Variants in HTR1E observed in about 807,000 individuals in gnomAD.
The protein encoded by HTR1E is 5-hydroxytryptamine receptor 1E.
Under a neutral mutation model 3.4 loss-of-function variants are expected in HTR1E, and 3 were observed. The ratio of observed to expected loss-of-function variants is 0.89; its 90% confidence interval spans 0.41 to 2.31. The LOEUF is 2.31. HTR1E is among the 30% of genes most tolerant of loss of function. The pLI, the probability that HTR1E is intolerant of heterozygous loss-of-function variation, is 0.05. For synonymous variants in HTR1E, 170 were observed against 182.8 expected, an observed-to-expected ratio of 0.93 and a Z score of 0.56; for missense variants, 392 against 467.0, an observed-to-expected ratio of 0.84 and a Z score of 1.48.
chr6:87,010,501 T>C (rs1454538648), intron 1 of HTR1E, among the ~76,000 whole-genome samples: 14 of 136,742 alleles, frequency 1.0e-4, no homozygotes, highest in African/African-American at 4.3e-4. Flanking sequence ...GCTCCTCACA[T>C]CCCAGATGGG....
At chr6:86,966,910 A>C (rs1767479135) in intron 1 of HTR1E, among the ~76,000 whole-genome samples, 1 of 152,210 alleles carries the variant, frequency 6.6e-6, no homozygotes, top group African/African-American at 2.4e-5. Flanking sequence ...ATTTTATTCA[A>C]GTTTATTGAA....
At chr6:86,995,169 G>T (rs923674160) in intron 1 of HTR1E, among the ~76,000 whole-genome samples, 1 of 151,860 alleles carries the variant, frequency 6.6e-6, no homozygotes, top group South Asian at 2.1e-4. Context: ...TCTACATACC[G>T]ACCCGGAGCC....
chr6:87,015,645 C>T lies in HTR1E; in HGVS notation c.311C>T (p.Thr104Ile). Residue 104 changes from threonine (T) to isoleucine (I), a missense_variant, in exon 2 of 2, where the codon ACC (threonine) becomes ATC (isoleucine). Coordinates refer to ENST00000305344, the MANE Select transcript of HTR1E (RefSeq NM_000865.3). ...GAGGTGTGGCTGAGTGTGGACATGA[C>T]CTGCTGCACCTGCTCCATCCTCCAC... is the stretch of plus-strand genomic sequence containing the variant. Reference protein sequence around the residue: ...LCEVWLSVDMTCCTCSILHLC... With the variant: ...LCEVWLSVDMICCTCSILHLC... The T allele has an allele frequency of 1.9e-6, 3 of 1,614,134 alleles. No individual in the cohort carries two copies. The highest frequency in any genetic ancestry group is 1.7e-6 in the Non-Finnish European group (2 of 1,180,016).
chr6:86,977,445 A>G (rs572085358), intron 1 of HTR1E, among the ~76,000 whole-genome samples: 1 of 152,318 alleles, frequency 6.6e-6, no homozygotes, highest in African/African-American at 2.4e-5. Flanking sequence ...ATGGGCACCT[A>G]AGGATGATTC....
chr6:86,986,067 C>T (rs1767781056), intron 1 of HTR1E, among the ~76,000 whole-genome samples: 1 of 152,174 alleles, frequency 6.6e-6, no homozygotes, highest in Non-Finnish European at 1.5e-5. Context: ...ATATTTTTCT[C>T]CACAGACTCT....
chr6:87,000,241 T>G (rs1768000703), intron 1 of HTR1E: 1 of 152,534 alleles, frequency 6.6e-6, no homozygotes, highest in Non-Finnish European at 1.5e-5. Context: ...AACTTGAGTT[T>G]GCCAGTTATG....
intron 1 of HTR1E, among the ~76,000 whole-genome samples, chr6:86,951,983 G>A (rs886458258): frequency 6.6e-6 from 1 of 152,118 alleles, no homozygotes; most frequent in African/African-American, 2.4e-5. Flanking sequence ...CCTCACTGAT[G>A]TGAACTTTCC....
intron 1 of HTR1E, among the ~76,000 whole-genome samples, chr6:86,958,418 C>T (rs1488956467): frequency 6.6e-6 from 1 of 152,112 alleles, no homozygotes; most frequent in Non-Finnish European, 1.5e-5. Flanking sequence ...CTAAAGTGCC[C>T]TCTCATCTTC....
At chr6:86,944,609 A>G (rs1485079406) in intron 1 of HTR1E, among the ~76,000 whole-genome samples, 1 of 152,226 alleles carries the variant, frequency 6.6e-6, no homozygotes, top group Non-Finnish European at 1.5e-5. Flanking sequence ...TGTGTGTGTG[A>G]CCTTGGAAAA....
intron 1 of HTR1E, among the ~76,000 whole-genome samples, chr6:87,001,763 T>C (rs1768027016): frequency 6.6e-6 from 1 of 152,190 alleles, no homozygotes; most frequent in African/African-American, 2.4e-5. Flanking sequence ...GGTCATTTCC[T>C]GAGGAAGGAA....
chr6:86,952,337 G>T (rs1767256648), intron 1 of HTR1E, among the ~76,000 whole-genome samples: 1 of 152,146 alleles, frequency 6.6e-6, no homozygotes, highest in South Asian at 2.1e-4. Flanking sequence ...GCTATAGTTA[G>T]CTGTCTATCC....
chr6:86,951,159 A>G (rs1767234904), intron 1 of HTR1E, among the ~76,000 whole-genome samples: 1 of 152,206 alleles, frequency 6.6e-6, no homozygotes, highest in Non-Finnish European at 1.5e-5. Context: ...CACAAACAAG[A>G]GTAACCAGTT....
intron 1 of HTR1E, among the ~76,000 whole-genome samples, chr6:86,961,568 C>T (rs764811936): frequency 1.1e-4 from 16 of 152,166 alleles, no homozygotes; most frequent in Non-Finnish European, 1.6e-4. Context: ...GATTCACTTC[C>T]ATGCCCCTCT....
rs567458487 is a variant in HTR1E at position 86,975,419 on chromosome 6, C to T, written c.-186+37596C>T. Among the ~76,000 whole-genome samples, 4 of 152,244 alleles carry T rather than the reference C, an allele frequency of 2.6e-5. No homozygotes were observed. In the South Asian group the frequency reaches 6.2e-4, roughly 24 times the overall value. ...TCAGGTCATGATTGCACATGGACAT[C>T]CTCTCCTGTATGTTCAGTCTCTGAA... On this transcript the variant is annotated intron_variant, in intron 1 of 1. Coordinates refer to ENST00000305344, the MANE Select transcript of HTR1E (RefSeq NM_000865.3).
intron 1 of HTR1E, among the ~76,000 whole-genome samples, chr6:86,962,125 G>C (rs1419065990): frequency 2.0e-5 from 3 of 152,202 alleles, no homozygotes; most frequent in African/African-American, 7.2e-5. Flanking sequence ...AATAAAGCAA[G>C]TAAGATTTTT....
At chr6:87,009,933 G>A (rs1357356313) in intron 1 of HTR1E, among the ~76,000 whole-genome samples, 4 of 123,344 alleles carry the variant, frequency 3.2e-5, no homozygotes, top group Non-Finnish European at 6.7e-5. Context: ...GGGCAGAGGG[G>A]CTCCTCACTT....
intron 1 of HTR1E, among the ~76,000 whole-genome samples, chr6:86,958,132 C>T (rs910725679): frequency 6.7e-6 from 1 of 149,294 alleles, no homozygotes; most frequent in Admixed American, 6.7e-5. Flanking sequence ...GATCTCGGCT[C>T]ACTGCCAGCT....
At chr6:86,990,640 G>A (rs971612865) in intron 1 of HTR1E, among the ~76,000 whole-genome samples, 1 of 151,996 alleles carries the variant, frequency 6.6e-6, no homozygotes, top group Non-Finnish European at 1.5e-5. Context: ...ACATAAATAG[G>A]CATCAATAGT....
intron 1 of HTR1E, among the ~76,000 whole-genome samples, chr6:87,001,959 G>A (rs1471622383): frequency 1.3e-5 from 2 of 152,074 alleles, no homozygotes; most frequent in African/African-American, 4.8e-5. Context: ...AAAAAGATGA[G>A]GAGTCACTAT....
Sources: gnomAD v4.1 joint callset for allele counts (sites outside exome capture counted in the v4.1 genomes callset) on GRCh38, gnomAD v4.1.1 for gene constraint, MANE v1.5 for transcripts, NCBI Gene and HGNC (gene_info 2026-07-23, HGNC 2026-07-21) for gene names.